The following AUNIP variants were observed in gnomAD, a reference collection of about 807,000 sequenced individuals.
AUNIP encodes the protein aurora kinase A and ninein interacting protein.
Under a neutral mutation model 12.2 loss-of-function variants are expected in AUNIP, and 16 were observed. The ratio of observed to expected loss-of-function variants is 1.31; its 90% CI spans 0.88 to 1.99. The LOEUF (loss-of-function observed/expected upper bound fraction) is 1.99. AUNIP is among the 30% of genes most tolerant of loss of function. The pLI, the probability that AUNIP is intolerant of heterozygous loss-of-function variation, is 0.00. For missense variants in AUNIP, 411 were observed against 419.1 expected, an observed-to-expected ratio of 0.98 and a Z score of 0.17; for synonymous variants, 142 against 154.8, an observed-to-expected ratio of 0.92 and a Z score of 0.61.
At chr1:25,842,119 A>G (rs2048351162) in intron 1 of AUNIP, among the ~76,000 whole-genome samples, 1 of 152,270 alleles carries the variant, frequency 6.6e-6, no homozygotes. Flanking sequence ...ATGCCCCAAG[A>G]GGCCAAAAGC....
rs1347885156 is a variant in AUNIP at position 25,835,230 on chromosome 1, A to G, written c.837T>C (p.Asn279=). 1.2e-5 allele frequency: 19 copies of G among 1,614,176 alleles called. No individual in the cohort carries two copies. The highest frequency in any genetic ancestry group is 3.3e-4 in the Middle Eastern group (2 of 6,062). The change falls in exon 3 of 3, where the codon AAT becomes AAC. Residue 279 remains asparagine, a synonymous_variant. Transcript: ENST00000374298. ...VSVFSWDNEK[N]DKDSWSQLFT... ...AAAGTTGACTCCAGGAGTCCTTGTC[A>G]TTCTTTTCATTGTCCCAGGAAAACA...
chr1:25,834,190 C>T lies in AUNIP; in HGVS notation c.*803G>A. 1 of 985,282 alleles carries T rather than the reference C, an allele frequency of 1.0e-6. No homozygotes were observed. The highest frequency in any genetic ancestry group is 1.2e-6 in the Non-Finnish European group (1 of 829,886). 61.0% of individuals were successfully genotyped at this position (985,282 alleles called of 1,614,324 possible). ...GTTACCACAAAAATAAAATAGGAAA[C>T]TAGCACCATTCTACCTCTCTTCTCT... On this transcript the variant is annotated 3_prime_UTR_variant, in exon 3 of 3. Coordinates refer to ENST00000374298, the MANE Select transcript of AUNIP (RefSeq NM_024037.3).
intron 1 of AUNIP, among the ~76,000 whole-genome samples, chr1:25,849,027 T>C (rs2745538): frequency 0.25 from 38,551 of 152,120 alleles, 5,732 homozygotes; most frequent in African/African-American, 0.4. Context: ...TTATGAAACC[T>C]GAGAATGGTT....
At chr1:25,848,815 T>C (rs1044739193) in intron 1 of AUNIP, among the ~76,000 whole-genome samples, 5 of 152,242 alleles carry the variant, frequency 3.3e-5, no homozygotes, top group African/African-American at 7.2e-5. Flanking sequence ...GTACTCTGTG[T>C]GTACTGTTAC....
At chr1:25,846,033 A>G (rs1407264726) in intron 1 of AUNIP, among the ~76,000 whole-genome samples, 4 of 152,218 alleles carry the variant, frequency 2.6e-5, no homozygotes, top group African/African-American at 7.2e-5. Context: ...TGAAAATTCA[A>G]CGGGGAAAGG....
downstream of AUNIP, chr1:25,832,435 A>C: frequency 2.2e-6 from 1 of 463,234 alleles, no homozygotes; most frequent in Non-Finnish European, 4.0e-6. Context: ...GCAGCAGAGC[A>C]GGGCTGAGGG....
Position 25,859,372 on chromosome 1 carries a change from C to G in AUNIP, c.-15G>C. The G allele has an allele frequency of 6.6e-7, 1 of 1,507,962 alleles. No individual in the cohort carries two copies. Among genetic ancestry groups the G allele is most frequent in the Admixed American group, 2.3e-5 (1 of 44,322 alleles). 93.4% of individuals were successfully genotyped at this position (1,507,962 alleles called of 1,614,324 possible). ...GTCCGCCTCATGGCCGCTGAGGAGA[C>G]GAAGCCGGCAGGACGCCGGCGCAGG... On this transcript the variant is annotated 5_prime_UTR_variant, in exon 1 of 3. Coordinates refer to ENST00000374298, the MANE Select transcript of AUNIP (RefSeq NM_024037.3).
chr1:25,857,733 G>A (rs997716159), intron 1 of AUNIP, among the ~76,000 whole-genome samples: 1 of 150,428 alleles, frequency 6.6e-6, no homozygotes, highest in Non-Finnish European at 1.5e-5. Flanking sequence ...CGTAGTGGCG[G>A]GCGCCTGTAG....
rs2048297361 is a variant in AUNIP at position 25,835,726 on chromosome 1, C to T, written c.341G>A (p.Cys114Tyr). Reference protein sequence around the residue: ...DHLIPGLAHDCMASPLATSTT... With the variant: ...DHLIPGLAHDYMASPLATSTT... Reference sequence around the variant, plus strand: ...TGAAGTGGCTAAAGGGGATGCCATGCAATCGTGTGCTAAGCCTGGGATCAA... The same window carrying T: ...TGAAGTGGCTAAAGGGGATGCCATGTAATCGTGTGCTAAGCCTGGGATCAA... Residue 114 changes from cysteine to tyrosine, a missense_variant, in exon 3 of 3, where the codon TGC becomes TAC. By Grantham distance (194) the Cys-to-Tyr change is radical (BLOSUM62 -2). Coordinates refer to ENST00000374298, the MANE Select transcript of AUNIP (RefSeq NM_024037.3). 6.2e-7 allele frequency: 1 copy of T among 1,614,212 alleles called. No homozygotes were observed. The highest frequency in any genetic ancestry group is 8.5e-7 in the Non-Finnish European group (1 of 1,180,048).
At chr1:25,854,953 CTT>C (rs1159770557) in intron 1 of AUNIP, among the ~76,000 whole-genome samples, 11 of 121,110 alleles carry the variant, frequency 9.1e-5, no homozygotes, top group Admixed American at 2.5e-4. Context: ...AGAATTCTTT[CTT>C]TTTTTTTTTT....
At chr1:25,835,916 T>G in intron 2 of AUNIP, 70 bp from the exon 3 acceptor site, 1 of 1,560,684 alleles carries the variant, frequency 6.4e-7, no homozygotes, top group Non-Finnish European at 8.7e-7. Flanking sequence ...AGTTGGCTTT[T>G]TCTGAAATCA....
At chr1:25,832,143 C>T (rs1435436158), downstream of AUNIP, 2 of 1,579,330 alleles carry the variant, frequency 1.3e-6, no homozygotes, top group African/African-American at 2.7e-5. Flanking sequence ...GTCTTGCTGA[C>T]AAGCTAGAGC....
chr1:25,855,509 T>C lies in AUNIP; in HGVS notation c.78+3771A>G, dbSNP rs1487470536. 5.9e-5 allele frequency among the ~76,000 whole-genome samples: 9 copies of C among 152,126 alleles called. No homozygotes were observed. In the South Asian group the frequency reaches 1.5e-3, roughly 25 times the overall value. ...TTATTTTCATAATATAAAAACAAAA[T>C]GAAAGCAAATCTAGTATACATACAA... is the stretch of plus-strand genomic sequence containing the variant. On this transcript the variant is annotated intron_variant, in intron 1 of 2. Transcript: ENST00000374298.
Position 25,834,548 on chromosome 1 carries a change from CAG to C in AUNIP, c.*443_*444del, listed in dbSNP as rs2048282689. On this transcript the variant is annotated 3_prime_UTR_variant, in exon 3 of 3. Transcript: ENST00000374298. The stretch of plus-strand genomic sequence containing the variant: ...AGGAGAATCGCTTGAATCCGGGAGA[CAG>C]AGGGTGCAGTGAGCTGAGGTCGCAC... The C allele has an allele frequency of 4.8e-6, 4 of 835,514 alleles. No homozygotes were observed. The highest frequency in any genetic ancestry group is 5.7e-6 in the Non-Finnish European group (4 of 695,896). The allele number at this position is 835,514 out of a possible 1,614,324, so 51.8% of individuals were successfully genotyped here.
rs2048350900 is a variant in AUNIP, at chr1:25,842,069, A to G, written c.79-4515T>C. ...GAGAAGTCATAGGTCTCTCACTTTAAATCAAAAGCTAGAAATGATCATGCT... is the reference window on the plus strand; with the variant it reads ...GAGAAGTCATAGGTCTCTCACTTTAGATCAAAAGCTAGAAATGATCATGCT... On this transcript the variant is annotated intron_variant, in intron 1 of 2. Coordinates refer to ENST00000374298, the MANE Select transcript of AUNIP (RefSeq NM_024037.3). Among the ~76,000 whole-genome samples the G allele has an allele frequency of 2.0e-5, 3 of 152,204 alleles. No homozygotes were observed. The South Asian group carries it at 6.2e-4, about 31-fold the overall frequency.
chr1:25,848,541 A>G (rs2048401747), intron 1 of AUNIP, among the ~76,000 whole-genome samples: 1 of 150,316 alleles, frequency 6.7e-6, no homozygotes, highest in Admixed American at 6.6e-5. Context: ...GCAGCTCCTG[A>G]GAGATAATCT....
chr1:25,831,963 C>A, downstream of AUNIP: 17 of 1,614,212 alleles, frequency 1.1e-5, no homozygotes, highest in Non-Finnish European at 1.4e-5. Flanking sequence ...CTGTGCTTAT[C>A]TCTGAGGTCC....
chr1:25,835,897 G>A (rs1429950981), intron 2 of AUNIP, 51 bp from the exon 3 acceptor site: 5 of 1,582,742 alleles, frequency 3.2e-6, no homozygotes, highest in Non-Finnish European at 4.3e-6. Flanking sequence ...ACTGCCCTAA[G>A]CAGGATTCAG....
chr1:25,840,674 C>A (rs879515390), intron 1 of AUNIP, among the ~76,000 whole-genome samples: 26 of 152,172 alleles, frequency 1.7e-4, no homozygotes, highest in Non-Finnish European at 3.8e-4. Flanking sequence ...AAACACCATA[C>A]ATGATTTCCA....
Sources: gnomAD v4.1 joint callset for allele counts (sites outside exome capture counted in the v4.1 genomes callset) on GRCh38, gnomAD v4.1.1 for gene constraint, MANE v1.5 for transcripts, NCBI Gene and HGNC (gene_info 2026-07-23, HGNC 2026-07-21) for gene names.